ZBTB7C: variants seen among roughly 807,000 people sequenced by gnomAD.
The protein encoded by ZBTB7C is zinc finger and BTB domain containing 7C.
Under a neutral mutation model 25.7 loss-of-function variants are expected in ZBTB7C, and 8 were observed. The ratio of observed to expected loss-of-function variants is 0.31; its 90% CI spans 0.18 to 0.56. The LOEUF is 0.56. ZBTB7C is among the 20% of genes least tolerant of loss of function. The probability of loss-of-function intolerance (pLI) is 0.91; values close to 1 mark genes in which losing one functional copy is unlikely to be tolerated. For missense variants in ZBTB7C, 824 were observed against 855.2 expected (o/e 0.96, Z 0.46); for synonymous variants, 394 against 369.0 (o/e 1.07, Z -0.78).
At chr18:48,131,470 GTT>G (rs1034256451) in intron 3 of ZBTB7C, among the ~76,000 whole-genome samples, 1 of 148,230 alleles carries the variant, frequency 6.7e-6, no homozygotes, top group Non-Finnish European at 1.5e-5. Flanking sequence ...AAGGATAGTT[GTT>G]TTTTTTTTTG....
intron 2 of ZBTB7C, among the ~76,000 whole-genome samples, chr18:48,207,570 C>CATCTATCTATCTATCTATCT (rs35634878): frequency 1.4e-4 from 21 of 147,120 alleles, no homozygotes; most frequent in Admixed American, 2.7e-4. Flanking sequence ...CACTGCCTAT[C>CATCTATCTATCTATCTATCT]ATCTATCTAT....
intron 2 of ZBTB7C, among the ~76,000 whole-genome samples, chr18:48,209,974 T>C (rs2042665895): frequency 6.6e-6 from 1 of 152,022 alleles, no homozygotes; most frequent in South Asian, 2.1e-4. Context: ...AACTCAAAAA[T>C]AAAAAGATAA....
chr18:48,077,070 A>G, intron 3 of ZBTB7C: 1 of 844,160 alleles, frequency 1.2e-6, no homozygotes. Flanking sequence ...TGCAAAAAAA[A>G]AAAAAAAAAG....
At chr18:48,100,229 G>T (rs1044875751) in intron 3 of ZBTB7C, among the ~76,000 whole-genome samples, 2 of 152,216 alleles carry the variant, frequency 1.3e-5, no homozygotes. Flanking sequence ...CTACAGTTCA[G>T]CCCGCGTGCT....
chr18:48,396,112 C>T (rs143516884), intron 1 of ZBTB7C, among the ~76,000 whole-genome samples: 2 of 152,222 alleles, frequency 1.3e-5, no homozygotes, highest in East Asian at 1.9e-4. Flanking sequence ...ATCCCTACCC[C>T]CCTCTCAAAG....
At chr18:48,041,412 G>T in intron 3 of ZBTB7C, 1 of 985,430 alleles carries the variant, frequency 1.0e-6, no homozygotes, top group Non-Finnish European at 1.2e-6. Context: ...TGGTGTTACT[G>T]ATTTCCACTT....
intron 3 of ZBTB7C, among the ~76,000 whole-genome samples, chr18:48,128,874 T>TTA (rs1450597763): frequency 6.6e-6 from 1 of 150,806 alleles, no homozygotes; most frequent in Non-Finnish European, 1.5e-5. Context: ...TTTTTTTTTT[T>TTA]AAAGAAAGAA....
In ZBTB7C at chr18:48,029,127, T is replaced by G. The variant is rs901094202; in HGVS notation, c.*133A>C. ...GAGCCCGGGAAAATGCCATCACTGA[T>G]AGTATTATTATTATTTTCCCATTTT... On this transcript the variant is annotated 3_prime_UTR_variant, in exon 5 of 5. Transcript: ENST00000590800. The G allele has an allele frequency of 2.5e-5, 30 of 1,211,000 alleles. No homozygotes were observed. In the African/African-American group the frequency reaches 2.8e-4, roughly 11 times the overall value. 75.0% of individuals were successfully genotyped at this position (1,211,000 alleles called of 1,614,324 possible). A position where few individuals can be genotyped will look rare whatever the true frequency, so the allele number is the denominator to read the frequency against.
chr18:48,037,769 G>A (rs2036040177), intron 4 of ZBTB7C, among the ~76,000 whole-genome samples: 1 of 152,238 alleles, frequency 6.6e-6, no homozygotes, highest in Non-Finnish European at 1.5e-5. Flanking sequence ...CAAGGGGGCA[G>A]GCATGGGCAG....
chr18:48,189,636 G>C (rs1332237030), intron 2 of ZBTB7C, among the ~76,000 whole-genome samples: 1 of 152,132 alleles, frequency 6.6e-6, no homozygotes, highest in African/African-American at 2.4e-5. Flanking sequence ...CATCCTTCCA[G>C]GTGCCCCTCG....
At chr18:48,039,656 T>G (rs2036128952) in intron 4 of ZBTB7C, among the ~76,000 whole-genome samples, 1 of 152,354 alleles carries the variant, frequency 6.6e-6, no homozygotes, top group Admixed American at 6.5e-5. Context: ...AGAACAGCCC[T>G]GCTCTTACCT....
At chr18:48,051,354 T>C (rs761447384) in intron 3 of ZBTB7C, among the ~76,000 whole-genome samples, 1 of 152,270 alleles carries the variant, frequency 6.6e-6, no homozygotes, top group African/African-American at 2.4e-5. Context: ...TGAGGGTACA[T>C]GAGTGTCAGA....
At chr18:48,102,938 A>G (rs373923140) in intron 3 of ZBTB7C, among the ~76,000 whole-genome samples, 7 of 151,942 alleles carry the variant, frequency 4.6e-5, no homozygotes, top group Admixed American at 3.3e-4. Flanking sequence ...TTGGTTTTCA[A>G]TTTTATCAGA....
At chr18:48,042,509 C>T (rs1482945711) in intron 3 of ZBTB7C, among the ~76,000 whole-genome samples, 3 of 152,182 alleles carry the variant, frequency 2.0e-5, no homozygotes, top group Non-Finnish European at 2.9e-5. Context: ...ACACATTTAT[C>T]TTCTGGATGT....
chr18:48,228,192 A>G lies in ZBTB7C; in HGVS notation c.-78-42197T>C, dbSNP rs540366982. Among the ~76,000 whole-genome samples, 7 of 152,264 alleles carry G rather than the reference A, an allele frequency of 4.6e-5. No individual in the cohort carries two copies. The East Asian group carries it at 1.4e-3, about 29-fold the overall frequency. On this transcript the variant is annotated intron_variant, in intron 2 of 4. Coordinates refer to ENST00000590800, the MANE Select transcript of ZBTB7C (RefSeq NM_001318841.2). ...TGGCTGGAGAGTATGACTGCAGGCAATAAATAGCAGTCCCAAGAGTGATAA... is the reference window on the plus strand; with the variant it reads ...TGGCTGGAGAGTATGACTGCAGGCAGTAAATAGCAGTCCCAAGAGTGATAA...
intron 3 of ZBTB7C, among the ~76,000 whole-genome samples, chr18:48,161,939 C>T (rs2041067029): frequency 6.6e-6 from 1 of 151,780 alleles, no homozygotes. Flanking sequence ...CCGCCCGCCT[C>T]CCCGGGAGGC....
chr18:48,353,803 G>T (rs1255350652), intron 1 of ZBTB7C, among the ~76,000 whole-genome samples: 1 of 152,144 alleles, frequency 6.6e-6, no homozygotes, highest in Non-Finnish European at 1.5e-5. Context: ...ACACAGATGA[G>T]GAGCTGAAAG....
intron 1 of ZBTB7C, among the ~76,000 whole-genome samples, chr18:48,365,744 C>G (rs1182953206): frequency 6.6e-6 from 1 of 152,128 alleles, no homozygotes; most frequent in African/African-American, 2.4e-5. Context: ...TTAGTTCAAG[C>G]AGCTACATTT....
At chr18:48,220,765 A>G (rs2042930976) in intron 2 of ZBTB7C, among the ~76,000 whole-genome samples, 1 of 152,130 alleles carries the variant, frequency 6.6e-6, no homozygotes, top group South Asian at 2.1e-4. Context: ...CAATAGAAAG[A>G]GTCCAAGGAA....
Sources: gnomAD v4.1 joint callset for allele counts (sites outside exome capture counted in the v4.1 genomes callset) on GRCh38, gnomAD v4.1.1 for gene constraint, MANE v1.5 for transcripts, NCBI Gene and HGNC (gene_info 2026-07-23, HGNC 2026-07-21) for gene names.